KCNMA1: variants seen among roughly 807,000 people sequenced by gnomAD.
KCNMA1 encodes the protein Calcium-activated potassium channel subunit alpha-1.
Under a neutral mutation model 140.0 loss-of-function variants are expected in KCNMA1, and 29 were observed. That is an observed-to-expected ratio of 0.21 (90% CI 0.15 to 0.28). KCNMA1 has a LOEUF of 0.28. Among genes scored for constraint, KCNMA1 ranks in the 10% least tolerant of loss-of-function variants. KCNMA1 has a pLI of 1.00. For synonymous variants in KCNMA1, 612 were observed against 611.9 expected, an observed-to-expected ratio of 1.00 and a Z score of 0.00; for missense variants, 880 against 1,602.2, an observed-to-expected ratio of 0.55 and a Z score of 7.70.
chr10:77,192,944 A>G lies in KCNMA1; in HGVS notation c.603-8028T>C, dbSNP rs567693837. ...ATTATATTTCCATGAAGGCAGCCACACAGTCTCATAAATGCTAAATAATTA... is the reference window on the plus strand; with the variant it reads ...ATTATATTTCCATGAAGGCAGCCACGCAGTCTCATAAATGCTAAATAATTA... On this transcript the variant is annotated intron_variant, in intron 3 of 27. Transcript: ENST00000286628. Among the ~76,000 whole-genome samples, 6 of 152,290 alleles carry G rather than the reference A, an allele frequency of 3.9e-5. No individual in the cohort carries two copies. In the East Asian group the frequency reaches 9.7e-4, roughly 25 times the overall value.
intron 9 of KCNMA1, among the ~76,000 whole-genome samples, chr10:77,093,217 A>C (rs2096855206): frequency 6.6e-6 from 1 of 152,182 alleles, no homozygotes; most frequent in South Asian, 2.1e-4. Context: ...TCTTTATCAA[A>C]AAAGGAAGAA....
At chr10:76,876,647 AAT>A (rs2032438435), downstream of KCNMA1, 1 of 152,222 alleles carries the variant, frequency 6.6e-6, no homozygotes, top group African/African-American at 2.4e-5. Flanking sequence ...CCAGCAACTA[AAT>A]AAAGGAGAGC....
At chr10:77,456,204 T>C (rs4980149) in intron 1 of KCNMA1, among the ~76,000 whole-genome samples, 2,826 of 152,300 alleles carry the variant, frequency 0.019, 119 homozygotes, top group Admixed American at 0.094. Flanking sequence ...TTTGGCCACA[T>C]AGGCATGGAT....
At chr10:76,968,419 T>C (rs2074802784) in intron 20 of KCNMA1, among the ~76,000 whole-genome samples, 1 of 152,226 alleles carries the variant, frequency 6.6e-6, no homozygotes, top group Non-Finnish European at 1.5e-5. Context: ...AAATGAGCCA[T>C]ACTTTACATA....
intron 1 of KCNMA1, among the ~76,000 whole-genome samples, chr10:77,431,011 G>C (rs140882061): frequency 6.6e-4 from 100 of 152,264 alleles, no homozygotes; most frequent in African/African-American, 1.9e-3. Flanking sequence ...GCCTCTCCAG[G>C]CTGCAGGGAA....
At chr10:77,556,479 T>C (rs1345064684) in intron 1 of KCNMA1, among the ~76,000 whole-genome samples, 13 of 114,048 alleles carry the variant, frequency 1.1e-4, no homozygotes, top group Admixed American at 1.0e-3. Context: ...CACTCCAGCC[T>C]GGACAACAGA....
intron 1 of KCNMA1, among the ~76,000 whole-genome samples, chr10:77,419,045 G>A (rs1221862537): frequency 1.3e-5 from 2 of 152,144 alleles, no homozygotes; most frequent in Non-Finnish European, 2.9e-5. Flanking sequence ...GCTGTTGTTA[G>A]TGCCGCCACA....
chr10:77,085,272 A>C (rs1044908263), intron 11 of KCNMA1, among the ~76,000 whole-genome samples: 4 of 152,230 alleles, frequency 2.6e-5, no homozygotes, highest in Non-Finnish European at 4.4e-5. Flanking sequence ...GTATCCGATT[A>C]GTATTCAGAT....
chr10:77,590,313 T>G (rs553297387), intron 1 of KCNMA1, among the ~76,000 whole-genome samples: 1 of 152,308 alleles, frequency 6.6e-6, no homozygotes, highest in South Asian at 2.1e-4. Flanking sequence ...TCGATGGGAC[T>G]GGGCGCCGTG....
At chr10:77,228,453 G>A (rs1295501172) in intron 3 of KCNMA1, among the ~76,000 whole-genome samples, 1 of 152,080 alleles carries the variant, frequency 6.6e-6, no homozygotes, top group Non-Finnish European at 1.5e-5. Context: ...TAAAAAGCCA[G>A]GTGTGAGGAG....
chr10:77,303,987 G>A (rs1246657366), intron 2 of KCNMA1, among the ~76,000 whole-genome samples: 1 of 152,168 alleles, frequency 6.6e-6, no homozygotes, highest in Non-Finnish European at 1.5e-5. Flanking sequence ...GGTAAGACTG[G>A]CATTGTGGAC....
chr10:77,523,567 C>T (rs768146813), intron 1 of KCNMA1, among the ~76,000 whole-genome samples: 5 of 152,220 alleles, frequency 3.3e-5, no homozygotes, highest in Non-Finnish European at 4.4e-5. Flanking sequence ...TGAAAGAGCA[C>T]GCAAGTGCCT....
At chr10:77,294,104 A>G (rs900948542) in intron 2 of KCNMA1, among the ~76,000 whole-genome samples, 15 of 152,274 alleles carry the variant, frequency 9.9e-5, no homozygotes, top group African/African-American at 3.4e-4. Context: ...CAACGTGGAC[A>G]GACAAAAGAA....
intron 29 of KCNMA1, among the ~76,000 whole-genome samples, chr10:76,879,548 A>G (rs1401979914): frequency 6.6e-6 from 1 of 151,576 alleles, no homozygotes; most frequent in Non-Finnish European, 1.5e-5. Context: ...GCTTCTTTCT[A>G]CATTCATTTA....
intron 1 of KCNMA1, chr10:77,586,362 A>G (rs1026221190): frequency 2.0e-5 from 3 of 152,228 alleles, no homozygotes; most frequent in Non-Finnish European, 4.4e-5. Context: ...CTTGTGCTCC[A>G]TATGAAACAT....
intron 1 of KCNMA1, among the ~76,000 whole-genome samples, chr10:77,621,580 T>C (rs573558611): frequency 1.1e-4 from 16 of 152,166 alleles, no homozygotes; most frequent in Admixed American, 3.9e-4. Context: ...CCTACTTAAA[T>C]TCTGCATCCT....
chr10:76,924,346 G>A (rs77024294), intron 23 of KCNMA1, among the ~76,000 whole-genome samples: 2,552 of 151,926 alleles, frequency 0.017, 30 homozygotes, highest in Non-Finnish European at 0.027. Flanking sequence ...TTTTTTTGAG[G>A]GTAAAAGTAT....
intron 23 of KCNMA1, among the ~76,000 whole-genome samples, chr10:76,917,181 CT>C (rs2053300171): frequency 6.6e-6 from 1 of 152,210 alleles, no homozygotes; most frequent in South Asian, 2.1e-4. Flanking sequence ...GAAGTGACAG[CT>C]GTGCAGATTC....
At chr10:77,273,682 G>A (rs1000480244) in intron 2 of KCNMA1, among the ~76,000 whole-genome samples, 1 of 152,332 alleles carries the variant, frequency 6.6e-6, no homozygotes, top group South Asian at 2.1e-4. Flanking sequence ...CTTCAGGCAG[G>A]AGTGGCTGGG....
Sources: gnomAD v4.1 joint callset for allele counts (sites outside exome capture counted in the v4.1 genomes callset) on GRCh38, gnomAD v4.1.1 for gene constraint, MANE v1.5 for transcripts, NCBI Gene and HGNC (gene_info 2026-07-23, HGNC 2026-07-21) for gene names.